LIN7A: variants seen among roughly 807,000 people sequenced by gnomAD.
The protein encoded by LIN7A is lin-7 cell polarity scaffold A.
In LIN7A, 25 loss-of-function variants were observed where a neutral mutation model predicts 29.8. The ratio of observed to expected loss-of-function variants is 0.84; its 90% CI spans 0.61 to 1.17. The LOEUF (loss-of-function observed/expected upper bound fraction) is 1.17, where lower values mean the gene tolerates loss of function less well. Among genes scored for constraint, LIN7A ranks in the 50% most tolerant of loss-of-function variants. The pLI is 0.00. For synonymous variants in LIN7A, 118 were observed against 107.5 expected (o/e 1.10, Z -0.60); for missense variants, 239 against 287.0 (o/e 0.83, Z 1.21).
intron 2 of LIN7A, among the ~76,000 whole-genome samples, chr12:80,857,397 G>A (rs572404582): frequency 6.6e-6 from 1 of 152,186 alleles, no homozygotes; most frequent in East Asian, 1.9e-4. Flanking sequence ...TCCTTTGGTA[G>A]TAATCCCTGA....
At chr12:80,915,771 G>T (rs1259699063) in intron 1 of LIN7A, among the ~76,000 whole-genome samples, 2 of 152,216 alleles carry the variant, frequency 1.3e-5, no homozygotes, top group Non-Finnish European at 2.9e-5. Flanking sequence ...GCAAACTAAT[G>T]CAGAAACAGA....
At chr12:80,887,739 G>A (rs1295107480) in intron 2 of LIN7A, among the ~76,000 whole-genome samples, 4 of 152,086 alleles carry the variant, frequency 2.6e-5, no homozygotes, top group Admixed American at 2.6e-4. Flanking sequence ...CCACTAGACT[G>A]TGAGTTCCAT....
At chr12:80,829,277 A>T (rs1274828957) in intron 4 of LIN7A, among the ~76,000 whole-genome samples, 1 of 152,216 alleles carries the variant, frequency 6.6e-6, no homozygotes, top group African/African-American at 2.4e-5. Flanking sequence ...CAGATGTAGA[A>T]GTATAGTCTG....
intron 1 of LIN7A, among the ~76,000 whole-genome samples, chr12:80,925,418 C>T (rs1428930787): frequency 6.6e-6 from 1 of 152,180 alleles, no homozygotes; most frequent in Admixed American, 6.5e-5. Flanking sequence ...AGCCTGAAGG[C>T]AGCAAACATT....
intron 1 of LIN7A, among the ~76,000 whole-genome samples, chr12:80,900,590 G>A (rs919145479): frequency 6.6e-6 from 1 of 152,042 alleles, no homozygotes; most frequent in Admixed American, 6.6e-5. Context: ...TCTTAGTATT[G>A]ATTTCTATTT....
chr12:80,815,930 A>T (rs909630946), intron 4 of LIN7A, among the ~76,000 whole-genome samples: 1 of 152,152 alleles, frequency 6.6e-6, no homozygotes, highest in Non-Finnish European at 1.5e-5. Flanking sequence ...TTGACCAAAG[A>T]GAAGTATAGC....
At chr12:80,800,417 AG>A (rs1870661749) in intron 5 of LIN7A, among the ~76,000 whole-genome samples, 2 of 123,726 alleles carry the variant, frequency 1.6e-5, no homozygotes, top group South Asian at 5.6e-4. Flanking sequence ...TGAACCCGGG[AG>A]GTGGAGGTTG....
chr12:80,875,779 A>G (rs1267802112), intron 2 of LIN7A, among the ~76,000 whole-genome samples: 4 of 152,198 alleles, frequency 2.6e-5, no homozygotes. Flanking sequence ...ATTTTCTGTT[A>G]TGATTATAAT....
intron 2 of LIN7A, among the ~76,000 whole-genome samples, chr12:80,865,183 T>A (rs1031809749): frequency 2.0e-5 from 3 of 152,210 alleles, no homozygotes; most frequent in Non-Finnish European, 4.4e-5. Context: ...TTTTAAAAAG[T>A]CTTTCACTTA....
At chr12:80,881,490 G>A (rs1374978010) in intron 2 of LIN7A, among the ~76,000 whole-genome samples, 1 of 151,858 alleles carries the variant, frequency 6.6e-6, no homozygotes, top group Non-Finnish European at 1.5e-5. Flanking sequence ...AAAAATACAT[G>A]CTACTCTGTC....
chr12:80,937,423 C>T (rs1878298244), intron 1 of LIN7A: 3 of 393,268 alleles, frequency 7.6e-6, no homozygotes, highest in South Asian at 1.3e-4. Flanking sequence ...GGCGTCCCCT[C>T]GGCGGGGCGA....
chr12:80,852,667 GA>G (rs968480986), intron 2 of LIN7A, among the ~76,000 whole-genome samples: 4 of 152,126 alleles, frequency 2.6e-5, no homozygotes, highest in African/African-American at 7.2e-5. Flanking sequence ...CAGCAAGTTT[GA>G]AAAAACTTTG....
chr12:80,889,115 C>A, intron 2 of LIN7A, 136 bp downstream of exon 2: 1 of 656,564 alleles, frequency 1.5e-6, no homozygotes, highest in South Asian at 1.7e-5. Flanking sequence ...ATTTTATCAT[C>A]TGTCCAAGTA....
intron 5 of LIN7A, among the ~76,000 whole-genome samples, chr12:80,806,366 T>C (rs1460167117): frequency 1.3e-5 from 2 of 152,156 alleles, no homozygotes; most frequent in Non-Finnish European, 2.9e-5. Flanking sequence ...TTATCAAATA[T>C]AGAAGTTAGG....
rs201134743 is a variant in LIN7A at position 80,832,571 on chromosome 12, C to A, written c.483+13159G>T. 1.1e-5 allele frequency: 5 copies of A among 474,804 alleles called. No homozygotes were observed. The East Asian group carries it at 1.9e-4, about 18-fold the overall frequency. 29.4% of individuals were successfully genotyped at this position (474,804 alleles called of 1,614,324 possible). A position where few individuals can be genotyped will look rare whatever the true frequency, so the allele number is the denominator to read the frequency against. On this transcript the variant is annotated intron_variant, in intron 4 of 5. Transcript: ENST00000552864. The stretch of plus-strand genomic sequence containing the variant: ...TGAATCAGAAGGAGCCTGGACTTAC[C>A]ATTTGAAGGTGGTAGGAAATGGCCA...
chr12:80,846,320 G>A (rs1042323742), intron 3 of LIN7A, among the ~76,000 whole-genome samples: 1 of 152,140 alleles, frequency 6.6e-6, no homozygotes, highest in Non-Finnish European at 1.5e-5. Flanking sequence ...AGCACCTTAA[G>A]AGCAGAGATG....
At chr12:80,923,587 T>G (rs1457559651) in intron 1 of LIN7A, among the ~76,000 whole-genome samples, 1 of 152,226 alleles carries the variant, frequency 6.6e-6, no homozygotes, top group Non-Finnish European at 1.5e-5. Flanking sequence ...CTATGTAAGT[T>G]CCTTTTGTAA....
rs756979689 is a variant in LIN7A, at chr12:80,937,725, G to A, written c.-3C>T. The A allele has an allele frequency of 7.5e-7, 1 of 1,332,684 alleles. No homozygotes were observed. The highest frequency in any genetic ancestry group is 9.9e-7 in the Non-Finnish European group (1 of 1,009,072). The allele number at this position is 1,332,684 out of a possible 1,614,324, so 82.6% of individuals were successfully genotyped here. ...GAAGTGACGCTCGGCTTCAGCATCA[G>A]CAACCGCTCGTAGTGAGAAAAAAAG... On this transcript the variant is annotated 5_prime_UTR_variant, in exon 1 of 6. Coordinates refer to ENST00000552864, the MANE Select transcript of LIN7A (RefSeq NM_004664.4).
At chr12:80,823,665 A>G (rs2132231) in intron 4 of LIN7A, among the ~76,000 whole-genome samples, 130,313 of 152,284 alleles carry the variant, frequency 0.86, 56,113 homozygotes, top group African/African-American at 0.94. Flanking sequence ...CAGCAGGCCC[A>G]AGCAAAATTT....
Sources: allele counts gnomAD v4.1 joint callset (sites outside exome capture counted in the v4.1 genomes callset), GRCh38; gene constraint gnomAD v4.1.1; transcripts MANE v1.5; gene names NCBI Gene and HGNC (gene_info 2026-07-23, HGNC 2026-07-21).